Variants in WBP2NL observed in about 807,000 individuals in gnomAD.
WBP2NL encodes the protein postacrosomal sheath WW domain-binding protein.
A neutral mutation model predicts 23.3 loss-of-function variants in WBP2NL; 27 were observed. That is an observed-to-expected ratio of 1.16 (90% CI 0.85 to 1.60). WBP2NL has a LOEUF of 1.60. Ranked by LOEUF, WBP2NL falls within the 40% of genes most tolerant of loss-of-function variation. The probability of loss-of-function intolerance (pLI) is 0.00; values close to 1 mark genes in which losing one functional copy is unlikely to be tolerated. For missense variants in WBP2NL, 370 were observed against 389.5 expected (o/e 0.95, Z 0.42); for synonymous variants, 151 against 145.9 (o/e 1.03, Z -0.25).
downstream of WBP2NL, among the ~76,000 whole-genome samples, chr22:42,033,497 G>A (rs1925068340): frequency 6.6e-6 from 1 of 152,170 alleles, no homozygotes; most frequent in Non-Finnish European, 1.5e-5. Flanking sequence ...GTTCTTCAAT[G>A]AGGTGCACAG....
downstream of WBP2NL, among the ~76,000 whole-genome samples, chr22:42,034,495 C>G (rs1925106144): frequency 6.6e-6 from 1 of 152,178 alleles, no homozygotes; most frequent in Non-Finnish European, 1.5e-5. Flanking sequence ...TAGAATATCA[C>G]AAGGCAAGTG....
chr22:42,057,639 G>T (rs1431061374), intron 8 of WBP2NL, among the ~76,000 whole-genome samples: 1 of 150,712 alleles, frequency 6.6e-6, no homozygotes, highest in African/African-American at 2.4e-5. Flanking sequence ...TTGATAGTAT[G>T]TGGCAGGTTT....
At chr22:42,018,624 CAG>C (rs945627823) in intron 1 of WBP2NL, among the ~76,000 whole-genome samples, 4 of 152,070 alleles carry the variant, frequency 2.6e-5, no homozygotes, top group African/African-American at 7.2e-5. Flanking sequence ...GGGAACATGT[CAG>C]AGGGGGCTGG....
At chr22:42,031,895 C>T (rs1283491017), downstream of WBP2NL, 1 of 152,094 alleles carries the variant, frequency 6.6e-6, no homozygotes, top group African/African-American at 2.4e-5. Context: ...AGGGTTTCAC[C>T]ATGTTGGCCA....
chr22:41,998,948 C>G (rs1040083893), intron 1 of WBP2NL, 68 bp downstream of exon 1: 2 of 1,523,448 alleles, frequency 1.3e-6, no homozygotes, highest in African/African-American at 1.4e-5. Context: ...TGGCGGCTCG[C>G]AAACTCTCAG....
intron 1 of WBP2NL, among the ~76,000 whole-genome samples, chr22:42,005,288 T>C (rs908170131): frequency 3.3e-5 from 5 of 151,550 alleles, no homozygotes; most frequent in Admixed American, 2.6e-4. Context: ...CTGAGGCAGG[T>C]GGATCACCTG....
chr22:42,038,586 C>T lies in WBP2NL; in HGVS notation c.*273+7763C>T, dbSNP rs374888704. Among the ~76,000 whole-genome samples the T allele has an allele frequency of 2.6e-5, 4 of 152,050 alleles. No homozygotes were observed. The East Asian group carries it at 5.8e-4, about 22-fold the overall frequency. ...GAATTAGCATATGAAACCATCCGGT[C>T]TTGGGCATTTCTTTGTTGGATTTTT... On this transcript the variant is annotated intron_variant and NMD_transcript_variant, in intron 8 of 8. Coordinates refer to the WBP2NL transcript ENST00000436265.
chr22:42,002,533 G>A (rs1921804890), intron 1 of WBP2NL: 1 of 152,200 alleles, frequency 6.6e-6, no homozygotes, highest in Non-Finnish European at 1.5e-5. Flanking sequence ...AGGTTGTAGT[G>A]AGCTGAGATC....
chr22:42,037,848 AGAGT>A (rs1259305885), downstream of WBP2NL, among the ~76,000 whole-genome samples: 1 of 87,502 alleles, frequency 1.1e-5, no homozygotes, highest in Admixed American at 1.2e-4. Flanking sequence ...AGAGAGAGTG[AGAGT>A]GTGTGTGTGT....
chr22:42,047,723 G>C (rs1015920642), intron 8 of WBP2NL, among the ~76,000 whole-genome samples: 18 of 146,762 alleles, frequency 1.2e-4, no homozygotes, highest in Non-Finnish European at 1.2e-4. Context: ...CCGGGTTCAC[G>C]CCATTCTCCT....
intron 1 of WBP2NL, among the ~76,000 whole-genome samples, chr22:42,011,403 G>A (rs969231261): frequency 6.6e-6 from 1 of 151,904 alleles, no homozygotes; most frequent in Admixed American, 6.6e-5. Flanking sequence ...ACAGATGTGT[G>A]CCACCACACC....
intron 1 of WBP2NL, among the ~76,000 whole-genome samples, chr22:42,002,205 T>G (rs1248961773): frequency 6.6e-6 from 1 of 152,236 alleles, no homozygotes; most frequent in East Asian, 1.9e-4. Flanking sequence ...GGGATCCATT[T>G]TGTGCTCCTG....
intron 4 of WBP2NL, among the ~76,000 whole-genome samples, chr22:42,020,884 ATATATATATATATATATATATATATTT>A (rs1923867702): frequency 5.2e-5 from 2 of 38,786 alleles, no homozygotes; most frequent in East Asian, 6.7e-4. Flanking sequence ...ATATATATAT[ATATATATATATATATATATATATATTT>A]TTTTTTTTTT....
chr22:42,054,587 C>T (rs1215139830), intron 8 of WBP2NL, among the ~76,000 whole-genome samples: 1 of 151,814 alleles, frequency 6.6e-6, no homozygotes, highest in Non-Finnish European at 1.5e-5. Flanking sequence ...TTATAGTTTT[C>T]AGTCTTACAT....
At chr22:42,002,283 A>C (rs1921778947) in intron 1 of WBP2NL, among the ~76,000 whole-genome samples, 1 of 152,174 alleles carries the variant, frequency 6.6e-6, no homozygotes, top group Non-Finnish European at 1.5e-5. Context: ...TTTATACTGT[A>C]GTTAAAACCA....
At chr22:42,049,695 C>CAAA (rs1569455101) in intron 8 of WBP2NL, among the ~76,000 whole-genome samples, 241 of 22,722 alleles carry the variant, frequency 0.011, 12 homozygotes, top group African/African-American at 0.02. Flanking sequence ...GTCTCCAAAA[C>CAAA]AAAACAAAAC....
In WBP2NL at chr22:42,028,080, A is replaced by T; in HGVS notation, c.*899A>T. On this transcript the variant is annotated 3_prime_UTR_variant, in exon 6 of 6. Transcript: ENST00000328823. ...AGAAAACTTGCATGTGTGCACAAAG[A>T]TGCATGTGGGAAGATTTCATTATAT... The T allele has an allele frequency of 2.5e-6, 1 of 398,512 alleles. No individual in the cohort carries two copies. Among genetic ancestry groups the T allele is most frequent in the Non-Finnish European group, 4.4e-6 (1 of 226,018 alleles). 24.7% of individuals were successfully genotyped at this position (398,512 alleles called of 1,614,324 possible).
rs538734019 is a variant in WBP2NL at position 42,015,490 on chromosome 22, C to T, written c.63-3821C>T. Among the ~76,000 whole-genome samples the T allele has an allele frequency of 1.1e-4, 16 of 152,164 alleles. No homozygotes were observed. The South Asian group carries it at 3.3e-3, about 32-fold the overall frequency. On this transcript the variant is annotated intron_variant, in intron 1 of 5. Coordinates refer to ENST00000328823, the MANE Select transcript of WBP2NL (RefSeq NM_152613.3). ...TGATCTTGGCTCACTGCAACCTCTGCCTCCCGGGTTCAAGCAATTCTCCTG... is the reference window on the plus strand; with the variant it reads ...TGATCTTGGCTCACTGCAACCTCTGTCTCCCGGGTTCAAGCAATTCTCCTG...
chr22:42,029,294 GAAAAAAAA>G (rs953340569), downstream of WBP2NL, among the ~76,000 whole-genome samples: 12 of 81,988 alleles, frequency 1.5e-4, no homozygotes, highest in Non-Finnish European at 2.1e-4. Flanking sequence ...CTGTGTCTAG[GAAAAAAAA>G]AAAAAAAAAA....
Sources: gnomAD v4.1 joint callset for allele counts (sites outside exome capture counted in the v4.1 genomes callset) on GRCh38, gnomAD v4.1.1 for gene constraint, MANE v1.5 for transcripts, NCBI Gene and HGNC (gene_info 2026-07-23, HGNC 2026-07-21) for gene names.